MARK4: variants seen among roughly 807,000 people sequenced by gnomAD.
MARK4 encodes the protein MAP/microtubule affinity-regulating kinase 4.
MARK4 carries 19 observed loss-of-function variants against 81.5 expected under a neutral mutation model. That is an observed-to-expected ratio of 0.23 (90% confidence interval 0.16 to 0.34). The LOEUF is 0.34. Among genes scored for constraint, MARK4 ranks in the 10% least tolerant of loss-of-function variants. The pLI is 1.00. For missense variants in MARK4, 772 were observed against 1,058.8 expected (o/e 0.73, Z 3.76); for synonymous variants, 436 against 439.0 (o/e 0.99, Z 0.08).
chr19:45,298,031 G>A, intron 15 of MARK4, 77 bp downstream of exon 15: 2 of 1,551,434 alleles, frequency 1.3e-6, no homozygotes, highest in East Asian at 2.4e-5. Flanking sequence ...ACTCTGCTCT[G>A]TCTCCTGTAC....
At chr19:45,284,626 C>T (rs530974675) in intron 12 of MARK4, among the ~76,000 whole-genome samples, 10 of 152,162 alleles carry the variant, frequency 6.6e-5, no homozygotes, top group Non-Finnish European at 1.3e-4. Flanking sequence ...CCGCGCCTGG[C>T]CCGCTCCTAG....
At chr19:45,259,214 T>C in intron 2 of MARK4, 25 bp downstream of exon 2, 1 of 1,610,986 alleles carries the variant, frequency 6.2e-7, no homozygotes, top group Non-Finnish European at 8.5e-7. Flanking sequence ...AGGGTGGGGC[T>C]CGGGGCAGGT....
intron 13 of MARK4, chr19:45,287,992 ATT>A (rs1970769268): frequency 8.6e-6 from 3 of 349,294 alleles, no homozygotes; most frequent in African/African-American, 2.1e-5. Context: ...TAATCCTGGC[ATT>A]TTGGGAGGCC....
chr19:45,263,905 G>A (rs147585226), intron 4 of MARK4, among the ~76,000 whole-genome samples: 1 of 151,788 alleles, frequency 6.6e-6, no homozygotes, highest in African/African-American at 2.4e-5. Flanking sequence ...GATTGACAAA[G>A]ATGATGCATC....
At chr19:45,267,936 C>T (rs560968850) in intron 7 of MARK4, among the ~76,000 whole-genome samples, 3 of 152,098 alleles carry the variant, frequency 2.0e-5, no homozygotes, top group Non-Finnish European at 4.4e-5. Context: ...GCTGGGATTA[C>T]AGGTGGGCAC....
At chr19:45,300,893 A>C (rs527703172) in intron 16 of MARK4, among the ~76,000 whole-genome samples, 2 of 152,118 alleles carry the variant, frequency 1.3e-5, no homozygotes, top group South Asian at 4.2e-4. Context: ...GAATGCTATC[A>C]TTGGCAGAGC....
intron 16 of MARK4, among the ~76,000 whole-genome samples, chr19:45,300,118 G>A (rs1332919508): frequency 6.6e-6 from 1 of 152,180 alleles, no homozygotes; most frequent in African/African-American, 2.4e-5. Context: ...GGAGTCCAAG[G>A]GAGGCAGATC....
intron 2 of MARK4, among the ~76,000 whole-genome samples, chr19:45,262,185 A>T (rs1356546331): frequency 1.3e-5 from 2 of 151,980 alleles, no homozygotes; most frequent in Non-Finnish European, 2.9e-5. Context: ...TGTTAGCCAA[A>T]TGTTGGTGGC....
intron 12 of MARK4, among the ~76,000 whole-genome samples, chr19:45,281,003 T>C (rs1252008953): frequency 6.6e-6 from 1 of 151,786 alleles, no homozygotes; most frequent in Non-Finnish European, 1.5e-5. Flanking sequence ...GTGTGGTTTT[T>C]CCTTTGTCTC....
chr19:45,265,433 C>T (rs565546451), intron 6 of MARK4, among the ~76,000 whole-genome samples: 9 of 150,932 alleles, frequency 6.0e-5, no homozygotes, highest in Non-Finnish European at 1.2e-4. Flanking sequence ...CCCGGGTGTG[C>T]GAGTGCCCAG....
intron 15 of MARK4, among the ~76,000 whole-genome samples, chr19:45,298,710 C>CA (rs1970925410): frequency 6.6e-6 from 1 of 151,876 alleles, no homozygotes; most frequent in Admixed American, 6.6e-5. Flanking sequence ...GGGATCTAGA[C>CA]AAAAAACAAA....
At chr19:45,275,240 G>A (rs1970583496) in intron 8 of MARK4, among the ~76,000 whole-genome samples, 2 of 152,126 alleles carry the variant, frequency 1.3e-5, no homozygotes, top group African/African-American at 4.8e-5. Flanking sequence ...CAGCCTGGAC[G>A]ACAGAGCAAG....
At chr19:45,257,383 C>CTTTTTT (rs35210904) in intron 1 of MARK4, among the ~76,000 whole-genome samples, 2 of 124,386 alleles carry the variant, frequency 1.6e-5, no homozygotes, top group Admixed American at 8.9e-5. Context: ...TTTTCTTTCT[C>CTTTTTT]TTTTTTTTTT....
intron 7 of MARK4, among the ~76,000 whole-genome samples, chr19:45,270,237 T>C (rs1287575139): frequency 6.6e-6 from 1 of 152,092 alleles, no homozygotes; most frequent in African/African-American, 2.4e-5. Context: ...TCAGTTTACA[T>C]ACAAGGAAAC....
At chr19:45,287,841 C>T in intron 13 of MARK4, 177 bp downstream of exon 13, 1 of 727,688 alleles carries the variant, frequency 1.4e-6, no homozygotes, top group Non-Finnish European at 2.4e-6. Context: ...TCAGTTTATA[C>T]ACTAACATTT....
intron 13 of MARK4, among the ~76,000 whole-genome samples, chr19:45,289,828 G>T (rs1970798246): frequency 6.6e-6 from 1 of 151,842 alleles, no homozygotes; most frequent in African/African-American, 2.4e-5. Context: ...CAGACATGGT[G>T]GCTCACGCCT....
chr19:45,264,077 A>G (rs373307650), intron 4 of MARK4, among the ~76,000 whole-genome samples: 1 of 152,140 alleles, frequency 6.6e-6, no homozygotes, highest in Non-Finnish European at 1.5e-5. Context: ...GCATTTGTTC[A>G]TTCATTCATT....
At chr19:45,265,010 G>C in intron 6 of MARK4, 100 bp downstream of exon 6, 5 of 1,206,440 alleles carry the variant, frequency 4.1e-6, no homozygotes, top group Non-Finnish European at 6.0e-6. Flanking sequence ...ACCTGGGGGC[G>C]GGGCTTAAGT....
At chr19:45,287,823 G>T (rs1401765876) in intron 13 of MARK4, 159 bp downstream of exon 13, 2 of 852,526 alleles carry the variant, frequency 2.3e-6, no homozygotes, top group South Asian at 2.9e-5. Context: ...GCCTCTGTTT[G>T]CCTGAGCTCA....
Sources: allele counts gnomAD v4.1 joint callset (sites outside exome capture counted in the v4.1 genomes callset), GRCh38; gene constraint gnomAD v4.1.1; transcripts MANE v1.5; gene names NCBI Gene and HGNC (gene_info 2026-07-23, HGNC 2026-07-21).